Variants in MLIP observed in about 807,000 individuals in gnomAD.
The protein encoded by MLIP is muscular LMNA-interacting protein.
Under a neutral mutation model 84.8 loss-of-function variants are expected in MLIP, and 79 were observed. The ratio of observed to expected loss-of-function variants is 0.93; its 90% CI spans 0.78 to 1.12. The LOEUF is 1.12. Among genes scored for constraint, MLIP ranks in the 50% most tolerant of loss-of-function variants. The pLI, the probability that MLIP is intolerant of heterozygous loss-of-function variation, is 0.00. For synonymous variants in MLIP, 504 were observed against 463.0 expected, an observed-to-expected ratio of 1.09 and a Z score of -1.14; for missense variants, 1,257 against 1,160.6, an observed-to-expected ratio of 1.08 and a Z score of -1.21.
In MLIP at chr6:54,056,319, C is replaced by T. The variant is rs551336588; in HGVS notation, c.63+37228C>T. Among the ~76,000 whole-genome samples, 53 of 152,276 alleles carry T rather than the reference C, an allele frequency of 3.5e-4. 1 individual carries two copies. Among genetic ancestry groups the T allele is most frequent in the African/African-American group, 1.2e-3 (48 of 41,572 alleles). On this transcript the variant is annotated intron_variant, in intron 1 of 12. Transcript: ENST00000274897. ...TTTCATGAAAAGCTGAAATAGGACA[C>T]GCTGTACAGAGGCTTGAACGTGAAA... is the stretch of plus-strand genomic sequence containing the variant.
chr6:54,024,747 G>C (rs1763701993), intron 1 of MLIP, among the ~76,000 whole-genome samples: 1 of 152,092 alleles, frequency 6.6e-6, no homozygotes, highest in Non-Finnish European at 1.5e-5. Context: ...ATGGACCTGT[G>C]GTAGCAAGTC....
At chr6:54,252,776 C>T (rs1321974768) in intron 12 of MLIP, among the ~76,000 whole-genome samples, 5 of 151,666 alleles carry the variant, frequency 3.3e-5, no homozygotes, top group Admixed American at 1.3e-4. Context: ...AAAAACAAAC[C>T]GGCATGTATG....
chr6:54,239,587 A>T (rs922414785), intron 12 of MLIP, among the ~76,000 whole-genome samples: 5 of 150,080 alleles, frequency 3.3e-5, no homozygotes, highest in African/African-American at 1.2e-4. Flanking sequence ...CCTGACCAAC[A>T]TCCAACGTGG....
In MLIP at chr6:54,255,280, G is replaced by T. The variant is rs9367555; in HGVS notation, c.2923-2028G>T. Among the ~76,000 whole-genome samples, 579 of 152,204 alleles carry T rather than the reference G, an allele frequency of 3.8e-3. 7 individuals are homozygous for T. The highest frequency in any genetic ancestry group is 0.02 in the South Asian group (97 of 4,812). Reference sequence around the variant, plus strand: ...TGGATGTTCCACTCACTAGTTTTGGGCCTTGAACAAGTTATTCTACCTCTC... The same window carrying T: ...TGGATGTTCCACTCACTAGTTTTGGTCCTTGAACAAGTTATTCTACCTCTC... On this transcript the variant is annotated intron_variant, in intron 12 of 13. Coordinates refer to ENST00000502396, the MANE Select transcript of MLIP (RefSeq NM_001281747.2).
chr6:54,197,548 G>A (rs1778385671), intron 10 of MLIP, among the ~76,000 whole-genome samples: 1 of 152,064 alleles, frequency 6.6e-6, no homozygotes, highest in Non-Finnish European at 1.5e-5. Flanking sequence ...TTCATGAATT[G>A]ATATTTTCGA....
chr6:54,258,979 T>C (rs1783204471), intron 13 of MLIP, among the ~76,000 whole-genome samples: 1 of 151,134 alleles, frequency 6.6e-6, no homozygotes, highest in African/African-American at 2.4e-5. Context: ...TTTAAATTTA[T>C]ATTTCTATCT....
chr6:54,165,449 C>G (rs1775078029), intron 8 of MLIP, among the ~76,000 whole-genome samples: 1 of 151,928 alleles, frequency 6.6e-6, no homozygotes, highest in Non-Finnish European at 1.5e-5. Context: ...TTGATATTGT[C>G]TTCATCGTTA....
intron 10 of MLIP, among the ~76,000 whole-genome samples, chr6:54,193,835 G>A (rs1412162166): frequency 2.6e-5 from 4 of 152,086 alleles, no homozygotes; most frequent in African/African-American, 9.7e-5. Context: ...CCTAGCTGTT[G>A]AGCTGAATCA....
chr6:54,262,549 G>A (rs1478879531), intron 13 of MLIP, among the ~76,000 whole-genome samples: 2 of 151,980 alleles, frequency 1.3e-5, no homozygotes, highest in Non-Finnish European at 2.9e-5. Flanking sequence ...AGGACATGGG[G>A]TCGTTTCATA....
At chr6:54,091,951 G>C (rs181612832) in intron 1 of MLIP, among the ~76,000 whole-genome samples, 1 of 152,098 alleles carries the variant, frequency 6.6e-6, no homozygotes, top group Admixed American at 6.6e-5. Flanking sequence ...TAAACTAAGC[G>C]TGTGTTTCTG....
At chr6:54,050,715 G>T (rs1267502480) in intron 1 of MLIP, among the ~76,000 whole-genome samples, 1 of 152,040 alleles carries the variant, frequency 6.6e-6, no homozygotes, top group African/African-American at 2.4e-5. Context: ...GCCCCAGCTG[G>T]TTAAAATAGA....
chr6:54,081,463 A>T (rs1767144611), intron 1 of MLIP, among the ~76,000 whole-genome samples: 1 of 152,120 alleles, frequency 6.6e-6, no homozygotes, highest in Admixed American at 6.5e-5. Context: ...GCTGGAGTGC[A>T]ATGGCGCGAT....
At chr6:54,224,241 A>G (rs553123078) in intron 11 of MLIP, among the ~76,000 whole-genome samples, 1 of 152,166 alleles carries the variant, frequency 6.6e-6, no homozygotes, top group South Asian at 2.1e-4. Context: ...AATATAAAAT[A>G]CAAAATGAGA....
At chr6:54,143,210 G>T (rs1311108916) in intron 4 of MLIP, among the ~76,000 whole-genome samples, 1 of 144,306 alleles carries the variant, frequency 6.9e-6, no homozygotes, top group Non-Finnish European at 1.5e-5. Context: ...CTCCCTGGGG[G>T]GATTTGCTTT....
intron 1 of MLIP, among the ~76,000 whole-genome samples, chr6:54,050,983 A>C (rs1014764484): frequency 6.6e-6 from 1 of 152,144 alleles, no homozygotes; most frequent in Non-Finnish European, 1.5e-5. Context: ...TGTCCTACAG[A>C]CGTTTCCAAT....
At chr6:54,099,470 G>A (rs565048621) in intron 1 of MLIP, 1 of 151,962 alleles carries the variant, frequency 6.6e-6, no homozygotes, top group Admixed American at 6.6e-5. Flanking sequence ...TAGTTTGAAG[G>A]CTCGCCCATC....
chr6:54,124,528 A>G lies in MLIP; in HGVS notation c.308A>G (p.Gln103Arg). The G allele has an allele frequency of 6.2e-7, 1 of 1,614,204 alleles. No individual in the cohort carries two copies. Among genetic ancestry groups the G allele is most frequent in the Admixed American group, 1.7e-5 (1 of 60,030 alleles). Residue 103 changes from glutamine (Q) to arginine (R), a missense_variant, in exon 3 of 14, where the codon CAA becomes CGA. Transcript: ENST00000502396. ...GCTGGGAGCCAACAAGAGAGAGACC[A>G]AGCGAAATTGACTTGTCCTTCAGAG... ...LNAGSQQERD[Q>R]AKLTCPSEVS...
chr6:54,171,648 C>T (rs904703662), intron 9 of MLIP, among the ~76,000 whole-genome samples: 1 of 150,932 alleles, frequency 6.6e-6, no homozygotes, highest in Non-Finnish European at 1.5e-5. Flanking sequence ...AAGCTTTGGT[C>T]TTAAATGAAC....
rs541505464 is a variant in MLIP at position 54,122,945 on chromosome 6, T to G, written c.252+1343T>G. On this transcript the variant is annotated intron_variant, in intron 2 of 13. Transcript: ENST00000502396. ...TCATTCATTTATATTCTTTTTTTTTTTTTTGAGACGGAGTCTCGCTCTGTC... is the reference window on the plus strand; with the variant it reads ...TCATTCATTTATATTCTTTTTTTTTGTTTTGAGACGGAGTCTCGCTCTGTC... 5.9e-5 allele frequency among the ~76,000 whole-genome samples: 9 copies of G among 152,186 alleles called. No individual in the cohort carries two copies. The South Asian group carries it at 6.2e-4, about 11-fold the overall frequency.
Sources: allele counts gnomAD v4.1 joint callset (sites outside exome capture counted in the v4.1 genomes callset), GRCh38; gene constraint gnomAD v4.1.1; transcripts MANE v1.5; gene names NCBI Gene and HGNC (gene_info 2026-07-23, HGNC 2026-07-21).